Variants in TGFBR2 observed in about 807,000 individuals in gnomAD.
TGFBR2 encodes the protein transforming growth factor beta receptor 2, also known as TGF-beta receptor type-2.
A neutral mutation model predicts 49.0 loss-of-function variants in TGFBR2; 18 were observed. That is an observed-to-expected ratio of 0.37 (90% CI 0.25 to 0.54). TGFBR2 has a LOEUF of 0.54. TGFBR2 is among the 20% of genes least tolerant of loss of function. The pLI is 0.85. For missense variants in TGFBR2, 525 were observed against 722.6 expected (o/e 0.73, Z 3.13); for synonymous variants, 282 against 275.9 (o/e 1.02, Z -0.22).
intron 3 of TGFBR2, among the ~76,000 whole-genome samples, chr3:30,670,036 A>C (rs996719423): frequency 5.9e-5 from 9 of 152,120 alleles, no homozygotes; most frequent in Non-Finnish European, 1.2e-4. Context: ...GAATAATCAA[A>C]AGATCCTTTT....
At chr3:30,618,169 T>C (rs1360127443) in intron 1 of TGFBR2, among the ~76,000 whole-genome samples, 2 of 152,128 alleles carry the variant, frequency 1.3e-5, no homozygotes, top group Non-Finnish European at 2.9e-5. Flanking sequence ...TGTCCACTGA[T>C]TGTCCATCCC....
intron 3 of TGFBR2, among the ~76,000 whole-genome samples, chr3:30,658,800 CCTGT>C (rs1231480919): frequency 2.0e-5 from 3 of 152,294 alleles, no homozygotes; most frequent in African/African-American, 7.2e-5. Flanking sequence ...CACGCGGTTT[CCTGT>C]CTATGTTTAA....
intron 5 of TGFBR2, among the ~76,000 whole-genome samples, chr3:30,681,648 A>G (rs1264566279): frequency 6.6e-6 from 1 of 152,194 alleles, no homozygotes; most frequent in Non-Finnish European, 1.5e-5. Flanking sequence ...GTTCTCAAGC[A>G]GTGAAATAAA....
At chr3:30,678,296 C>T (rs988977615) in intron 5 of TGFBR2, among the ~76,000 whole-genome samples, 1 of 152,008 alleles carries the variant, frequency 6.6e-6, no homozygotes, top group Non-Finnish European at 1.5e-5. Flanking sequence ...GCCTGTAATC[C>T]CAACACTTTG....
At chr3:30,627,137 C>T (rs1698345791) in intron 1 of TGFBR2, among the ~76,000 whole-genome samples, 1 of 152,106 alleles carries the variant, frequency 6.6e-6, no homozygotes, top group Non-Finnish European at 1.5e-5. Flanking sequence ...CTTTCAGTAT[C>T]CCCCAATTTA....
chr3:30,659,081 G>C (rs1370187707), intron 3 of TGFBR2, among the ~76,000 whole-genome samples: 2 of 152,212 alleles, frequency 1.3e-5, no homozygotes, highest in Non-Finnish European at 2.9e-5. Flanking sequence ...GAAATGAAAA[G>C]AGTAAATGGT....
In TGFBR2 at chr3:30,648,460, A is replaced by ACACACACACACACACCCC. The variant is rs1553627538; in HGVS notation, c.264-1808_264-1807insCACACACACACACCCCCA. On this transcript the variant is annotated intron_variant, in intron 2 of 6. Transcript: ENST00000295754. ...CACACACACACACACACACACACAC[A>ACACACACACACACACCCC]CAAAACTGTGGGGGCAGGGAGGAAG... 4.2e-5 allele frequency among the ~76,000 whole-genome samples: 6 copies of ACACACACACACACACCCC among 142,384 alleles called. No individual in the cohort carries two copies. In the South Asian group the frequency reaches 6.8e-4, roughly 16 times the overall value. 93.4% of individuals were successfully genotyped at this position (142,384 alleles called of 152,430 possible).
chr3:30,648,391 C>T (rs961547472), intron 2 of TGFBR2, among the ~76,000 whole-genome samples: 3 of 146,536 alleles, frequency 2.0e-5, no homozygotes, highest in African/African-American at 5.0e-5. Context: ...AGCATACCTT[C>T]GTTTTATTAC....
rs2125436094 is a variant in TGFBR2 at position 30,672,272 on chromosome 3, T to C, written c.1089T>C (p.Ser363=). The C allele has an allele frequency of 6.2e-7, 1 of 1,604,342 alleles. No individual in the cohort carries two copies. Among genetic ancestry groups the C allele is most frequent in the Non-Finnish European group, 8.5e-7 (1 of 1,174,170 alleles). Residue 363 remains serine, a synonymous_variant, in exon 4 of 7, where the codon AGT becomes AGC. Coordinates refer to ENST00000295754, the MANE Select transcript of TGFBR2 (RefSeq NM_003242.6). This position sits in a 1 kb window ranked among gnomAD's most constrained non-coding sequence, Gnocchi z 4.5. ...SLARGIAHLH[S]DHTPCGRPKM... ...CCCGGGGGATTGCTCACCTCCACAG[T>C]GATCACACTCCATGTGGGAGGCCCA...
At chr3:30,657,432 G>A (rs748203367) in intron 3 of TGFBR2, among the ~76,000 whole-genome samples, 1 of 152,156 alleles carries the variant, frequency 6.6e-6, no homozygotes, top group Non-Finnish European at 1.5e-5. Flanking sequence ...AGAGGGCAGG[G>A]CTGAGAGCAT....
At chr3:30,612,546 C>G (rs1330866827) in intron 1 of TGFBR2, among the ~76,000 whole-genome samples, 1 of 152,122 alleles carries the variant, frequency 6.6e-6, no homozygotes, top group Non-Finnish European at 1.5e-5. Context: ...ATTTGTACCA[C>G]AGAAAATCAA....
At position 30,620,996 on chromosome 3, in the gene TGFBR2, AGGAT is replaced by A. The variant is rs545038346; in HGVS notation, c.94+14022_94+14025del. Reference sequence around the variant, plus strand: ...GGTGCTTAATAGGAGTGGGTTTCTAAGGATGGTCTTGAATTTGGCCTTCAGCCTT... The same window carrying A: ...GGTGCTTAATAGGAGTGGGTTTCTAAGGTCTTGAATTTGGCCTTCAGCCTT... On this transcript the variant is annotated intron_variant, in intron 1 of 6. Coordinates refer to ENST00000295754, the MANE Select transcript of TGFBR2 (RefSeq NM_003242.6). Among the ~76,000 whole-genome samples, 6 of 152,312 alleles carry A rather than the reference AGGAT, an allele frequency of 3.9e-5. No individual in the cohort carries two copies. The East Asian group carries it at 1.2e-3, about 29-fold the overall frequency.
In TGFBR2 at chr3:30,678,421, G is replaced by A. The variant is rs572328828; in HGVS notation, c.1396+4175G>A. Among the ~76,000 whole-genome samples, 33 of 152,016 alleles carry A rather than the reference G, an allele frequency of 2.2e-4. 1 individual carries two copies. The East Asian group carries it at 5.4e-3, about 25-fold the overall frequency. ...AAATTAGCCGGGCGTGGCAGCAGGC[G>A]CCTGTAGTCCCAGCTACTCAGGAGG... On this transcript the variant is annotated intron_variant, in intron 5 of 6. Transcript: ENST00000295754.
intron 1 of TGFBR2, among the ~76,000 whole-genome samples, chr3:30,643,164 T>G (rs1197060060): frequency 6.6e-6 from 1 of 152,206 alleles, no homozygotes; most frequent in Non-Finnish European, 1.5e-5. Flanking sequence ...GGAAAGGCAT[T>G]GAAAGTGTTC....
chr3:30,632,599 A>G (rs919486817), intron 1 of TGFBR2, among the ~76,000 whole-genome samples: 1 of 152,260 alleles, frequency 6.6e-6, no homozygotes, highest in Non-Finnish European at 1.5e-5. Flanking sequence ...ATTGATGAGT[A>G]GGAATAGATT....
chr3:30,627,846 C>T (rs1043081867), intron 1 of TGFBR2, among the ~76,000 whole-genome samples: 2 of 152,160 alleles, frequency 1.3e-5, no homozygotes, highest in South Asian at 4.1e-4. Context: ...ACAGGTGGCT[C>T]TTGGGTATCA....
At position 30,611,155 on chromosome 3, in the gene TGFBR2, T is replaced by A. The variant is rs1254068804; in HGVS notation, c.94+4178T>A. On this transcript the variant is annotated intron_variant, in intron 1 of 6. Coordinates refer to ENST00000295754, the MANE Select transcript of TGFBR2 (RefSeq NM_003242.6). ...ATTATACCTTTAATCCTCTCAATCT[T>A]ATTCAGTTTTCTATCTCTGGGATCT... is the stretch of plus-strand genomic sequence containing the variant. Among the ~76,000 whole-genome samples, 6 of 152,192 alleles carry A rather than the reference T, an allele frequency of 3.9e-5. No individual in the cohort carries two copies. In the East Asian group the frequency reaches 1.2e-3, roughly 29 times the overall value.
At chr3:30,631,498 TA>T (rs1160873708) in intron 1 of TGFBR2, among the ~76,000 whole-genome samples, 1 of 152,168 alleles carries the variant, frequency 6.6e-6, no homozygotes, top group Admixed American at 6.5e-5. Context: ...CTTTTTCATC[TA>T]ACTGCACTGT....
At chr3:30,613,128 G>T (rs1366117564) in intron 1 of TGFBR2, among the ~76,000 whole-genome samples, 3 of 127,622 alleles carry the variant, frequency 2.4e-5, no homozygotes, top group African/African-American at 8.8e-5. Flanking sequence ...AAGACATGCA[G>T]CTCTTTTTTT....
Sources: gnomAD v4.1 joint callset for allele counts (sites outside exome capture counted in the v4.1 genomes callset) on GRCh38, gnomAD v4.1.1 for gene constraint, Gnocchi (gnomAD v3.1) non-coding constraint, MANE v1.5 for transcripts, NCBI Gene and HGNC (gene_info 2026-07-23, HGNC 2026-07-21) for gene names.